Variants in PRKCE observed in about 807,000 individuals in gnomAD.
The protein encoded by PRKCE is protein kinase C epsilon type.
PRKCE carries 16 observed loss-of-function variants against 85.4 expected under a neutral mutation model. The observed-to-expected ratio is 0.19, with a 90% CI of 0.13 to 0.28. The LOEUF is 0.28. Among genes scored for constraint, PRKCE ranks in the 10% least tolerant of loss-of-function variants. PRKCE has a pLI of 1.00. For synonymous variants in PRKCE, 388 were observed against 371.5 expected (o/e 1.04, Z -0.51); for missense variants, 573 against 975.2 (o/e 0.59, Z 5.49).
intron 2 of PRKCE, among the ~76,000 whole-genome samples, chr2:45,876,103 G>T (rs1227302784): frequency 6.6e-6 from 1 of 152,178 alleles, no homozygotes; most frequent in African/African-American, 2.4e-5. Flanking sequence ...GGACATTACT[G>T]AGTACCTGTA....
intron 2 of PRKCE, among the ~76,000 whole-genome samples, chr2:45,972,689 G>GTT (rs1186055633): frequency 6.6e-6 from 1 of 152,166 alleles, no homozygotes; most frequent in Non-Finnish European, 1.5e-5. Context: ...TGGATGTACA[G>GTT]TTTTCCCAAC....
chr2:46,079,476 G>A (rs1228311143), intron 10 of PRKCE, among the ~76,000 whole-genome samples: 1 of 152,150 alleles, frequency 6.6e-6, no homozygotes, highest in Non-Finnish European at 1.5e-5. Flanking sequence ...TGGGCCCCCA[G>A]GAAAGACCTG....
In PRKCE at chr2:46,187,056, T is replaced by C. The variant is rs1313781665; in HGVS notation, c.*2175T>C. Reference sequence around the variant, plus strand: ...TACAAGCACAGAAACATCTTTACGGTGGCATCATCTCATTTTTTAGGAAGA... The same window carrying C: ...TACAAGCACAGAAACATCTTTACGGCGGCATCATCTCATTTTTTAGGAAGA... On this transcript the variant is annotated 3_prime_UTR_variant, in exon 15 of 15. Transcript: ENST00000306156. 2.6e-5 allele frequency: 4 copies of C among 152,668 alleles called. No homozygotes were observed. The highest frequency in any genetic ancestry group is 4.4e-5 in the Non-Finnish European group (3 of 68,044). 9.5% of individuals were successfully genotyped at this position (152,668 alleles called of 1,614,324 possible).
intron 1 of PRKCE, among the ~76,000 whole-genome samples, chr2:45,661,339 C>T (rs1312963212): frequency 1.3e-5 from 2 of 151,668 alleles, no homozygotes; most frequent in Non-Finnish European, 2.9e-5. Context: ...TGAGCCACCA[C>T]ACCCGACTAA....
At chr2:45,953,399 T>C (rs556394641) in intron 2 of PRKCE, among the ~76,000 whole-genome samples, 1 of 152,288 alleles carries the variant, frequency 6.6e-6, no homozygotes, top group Admixed American at 6.5e-5. Context: ...TTCATACGCT[T>C]TTCAATTTGG....
At chr2:45,730,683 C>G (rs1447924836) in intron 1 of PRKCE, among the ~76,000 whole-genome samples, 1 of 151,994 alleles carries the variant, frequency 6.6e-6, no homozygotes, top group East Asian at 1.9e-4. Flanking sequence ...TGGTCTCAAA[C>G]TCCTGGCCTT....
At chr2:46,160,194 T>G (rs184418891) in intron 14 of PRKCE, 37 of 168,760 alleles carry the variant, frequency 2.2e-4, no homozygotes, top group Middle Eastern at 2.6e-3. Context: ...AAGCTGGGAT[T>G]CACTGACTGG....
At position 46,004,523 on chromosome 2, in the gene PRKCE, T is replaced by C; in HGVS notation, c.967-19T>C. On this transcript the variant is annotated intron_variant, in intron 7 of 14. Coordinates refer to ENST00000306156, the MANE Select transcript of PRKCE (RefSeq NM_005400.3). This position sits in a 1 kb window ranked among gnomAD's most constrained non-coding sequence, Gnocchi z 4.1. ...CCCTCCCTTCTGATGCCTCTGTCCC[T>C]GCTTTCTCTCCTCTCTAGCTCATTG... 1 of 1,559,136 alleles carries C rather than the reference T, an allele frequency of 6.4e-7. No individual in the cohort carries two copies.
At chr2:45,654,265 C>T (rs1396038258) in intron 1 of PRKCE, among the ~76,000 whole-genome samples, 1 of 152,262 alleles carries the variant, frequency 6.6e-6, no homozygotes, top group South Asian at 2.1e-4. Context: ...CACTGGGGCA[C>T]ACCCCAAACT....
intron 2 of PRKCE, among the ~76,000 whole-genome samples, chr2:45,888,783 G>C (rs920782457): frequency 3.9e-5 from 6 of 152,190 alleles, no homozygotes; most frequent in Non-Finnish European, 7.3e-5. Context: ...AAGCCAGGGA[G>C]TACTGTGGAG....
intron 1 of PRKCE, among the ~76,000 whole-genome samples, chr2:45,817,066 A>AGTGT (rs200785601): frequency 0.22 from 29,926 of 135,616 alleles, 3,385 homozygotes; most frequent in Middle Eastern, 0.34. Flanking sequence ...CTGTAAGTAG[A>AGTGT]GTGTGTGTGT....
chr2:45,668,294 G>A (rs1676008846), intron 1 of PRKCE, among the ~76,000 whole-genome samples: 1 of 152,152 alleles, frequency 6.6e-6, no homozygotes, highest in African/African-American at 2.4e-5. Flanking sequence ...TGACTGAGAT[G>A]GCGCCAATGC....
chr2:45,945,829 A>T (rs1313311663), intron 2 of PRKCE, among the ~76,000 whole-genome samples: 1 of 152,244 alleles, frequency 6.6e-6, no homozygotes, highest in Non-Finnish European at 1.5e-5. Context: ...GAAAAGAATG[A>T]CTTGTTAATG....
chr2:46,141,278 A>G lies in PRKCE; in HGVS notation c.1593-3815A>G, dbSNP rs150114231. Among the ~76,000 whole-genome samples, 122 of 152,364 alleles carry G rather than the reference A, an allele frequency of 8.0e-4. 3 individuals are homozygous for G. The highest frequency in any genetic ancestry group is 2.8e-3 in the African/African-American group (118 of 41,594). ...ATACAGTGGATTATTATATAGCCAC[A>G]ATAAAGAATCAGAAGGCTCTTTAAG... is the stretch of plus-strand genomic sequence containing the variant. On this transcript the variant is annotated intron_variant, in intron 11 of 14. Transcript: ENST00000306156.
intron 2 of PRKCE, among the ~76,000 whole-genome samples, chr2:45,865,711 G>A (rs1693538104): frequency 1.3e-5 from 2 of 152,104 alleles, no homozygotes; most frequent in Non-Finnish European, 2.9e-5. Context: ...TCACAATATT[G>A]GAAGCAGAGA....
chr2:45,678,491 C>G (rs1016050289), intron 1 of PRKCE, among the ~76,000 whole-genome samples: 1 of 152,068 alleles, frequency 6.6e-6, no homozygotes, highest in Non-Finnish European at 1.5e-5. Flanking sequence ...CAGTCATTTC[C>G]GAACTTTTTT....
chr2:46,146,243 A>C (rs745747229), intron 12 of PRKCE, among the ~76,000 whole-genome samples: 51 of 152,270 alleles, frequency 3.3e-4, no homozygotes, highest in Admixed American at 7.2e-4. Flanking sequence ...AATGATCTTC[A>C]TGGTTCTGAG....
chr2:45,827,284 C>A (rs992175515), intron 1 of PRKCE, among the ~76,000 whole-genome samples: 1 of 152,212 alleles, frequency 6.6e-6, no homozygotes, highest in African/African-American at 2.4e-5. Flanking sequence ...ACAATTCTTA[C>A]GTGTGTTTGA....
intron 10 of PRKCE, among the ~76,000 whole-genome samples, chr2:46,039,815 G>C (rs1181053991): frequency 6.6e-6 from 1 of 152,258 alleles, no homozygotes; most frequent in South Asian, 2.1e-4. Context: ...TTGCTCAGTG[G>C]CTCATATTCT....
Sources: allele counts gnomAD v4.1 joint callset (sites outside exome capture counted in the v4.1 genomes callset), GRCh38; gene constraint gnomAD v4.1.1; non-coding constraint Gnocchi (gnomAD v3.1); transcripts MANE v1.5; gene names NCBI Gene and HGNC (gene_info 2026-07-23, HGNC 2026-07-21).